The following CUX2 variants were observed in gnomAD, a reference collection of about 807,000 sequenced individuals.
CUX2 encodes the protein homeobox protein cut-like 2.
A neutral mutation model predicts 144.8 loss-of-function variants in CUX2; 40 were observed. The observed-to-expected ratio is 0.28, with a 90% CI of 0.21 to 0.36. CUX2 has a LOEUF of 0.36. Ranked by LOEUF, CUX2 falls within the 10% of genes least tolerant of loss-of-function variation. The pLI, the probability that CUX2 is intolerant of heterozygous loss-of-function variation, is 1.00. For missense variants in CUX2, 1,615 were observed against 1,994.0 expected, an observed-to-expected ratio of 0.81 and a Z score of 3.62; for synonymous variants, 827 against 875.6, an observed-to-expected ratio of 0.94 and a Z score of 0.98.
chr12:111,043,747 T>C (rs1479073814), intron 1 of CUX2, among the ~76,000 whole-genome samples: 1 of 152,244 alleles, frequency 6.6e-6, no homozygotes, highest in African/African-American at 2.4e-5. Context: ...ATGAGAAGAC[T>C]ATGCCTCTGA....
At chr12:111,193,124 T>G (rs775179795) in intron 1 of CUX2, among the ~76,000 whole-genome samples, 5 of 152,134 alleles carry the variant, frequency 3.3e-5, no homozygotes, top group Non-Finnish European at 5.9e-5. Flanking sequence ...ACCTGGCTTG[T>G]CTTTAAGGGT....
intron 9 of CUX2, among the ~76,000 whole-genome samples, chr12:111,299,404 T>C (rs1886172918): frequency 6.6e-6 from 1 of 152,068 alleles, no homozygotes; most frequent in South Asian, 2.1e-4. Flanking sequence ...GTGTGGCTCT[T>C]TGGGCGCAGG....
At chr12:111,272,458 TTTA>T (rs555086552) in intron 4 of CUX2, among the ~76,000 whole-genome samples, 2 of 151,914 alleles carry the variant, frequency 1.3e-5, no homozygotes, top group African/African-American at 4.8e-5. Context: ...GACAGTTAAC[TTTA>T]TTATTATTAT....
chr12:111,328,580 TTGTGTGTGTGTGTG>T (rs568983449), intron 18 of CUX2, among the ~76,000 whole-genome samples: 54 of 135,852 alleles, frequency 4.0e-4, no homozygotes, highest in African/African-American at 6.2e-4. Flanking sequence ...CCAATTTCTT[TTGTGTGTGTGTGTG>T]TGTGTGTGTG....
chr12:111,339,873 AAG>A (rs1316529607), intron 20 of CUX2, among the ~76,000 whole-genome samples: 6 of 152,184 alleles, frequency 3.9e-5, no homozygotes, highest in Non-Finnish European at 8.8e-5. Flanking sequence ...TACTGAAAAT[AAG>A]AGAGCTGGCT....
chr12:111,114,507 T>C (rs76989351), intron 1 of CUX2, among the ~76,000 whole-genome samples: 14 of 152,314 alleles, frequency 9.2e-5, no homozygotes, highest in East Asian at 7.7e-4. Flanking sequence ...CTCTGTTAGA[T>C]AGGTGATTTG....
chr12:111,342,200 A>G (rs1888609127), intron 21 of CUX2, 147 bp downstream of exon 21: 1 of 961,548 alleles, frequency 1.0e-6, no homozygotes, highest in Non-Finnish European at 1.5e-6. Context: ...ACACAGGCCC[A>G]AGTGCAGTGG....
chr12:111,273,683 A>G (rs1042523898), intron 4 of CUX2, among the ~76,000 whole-genome samples: 1 of 152,314 alleles, frequency 6.6e-6, no homozygotes, highest in African/African-American at 2.4e-5. Context: ...ACAGCTCCCA[A>G]CCTGGCAAGT....
In CUX2 at chr12:111,035,445, C is replaced by A. The variant is rs576025694; in HGVS notation, c.63+1205C>A. Among the ~76,000 whole-genome samples, 1 of 152,054 alleles carries A rather than the reference C, an allele frequency of 6.6e-6. No individual in the cohort carries two copies. Among genetic ancestry groups the A allele is most frequent in the South Asian group, 2.1e-4 (1 of 4,820 alleles). On this transcript the variant is annotated intron_variant, in intron 1 of 21. Coordinates refer to ENST00000261726, the MANE Select transcript of CUX2 (RefSeq NM_015267.4). The surrounding 1 kb of genome is among the most constrained non-coding windows in gnomAD (Gnocchi z 6.0). ...GTTCTTTCCCGGAGTGCCCCGGACG[C>A]GCCTGGCAAGGCCCCCCAGCCTTGG...
chr12:111,063,502 G>A (rs965748162), intron 1 of CUX2, among the ~76,000 whole-genome samples: 4 of 152,224 alleles, frequency 2.6e-5, no homozygotes, highest in Non-Finnish European at 4.4e-5. Flanking sequence ...GGGACATCGC[G>A]AGGCGGCACC....
At chr12:111,134,620 C>CTCTCTCTCTCTGTG (rs1026548098) in intron 1 of CUX2, among the ~76,000 whole-genome samples, 2 of 142,128 alleles carry the variant, frequency 1.4e-5, no homozygotes, top group African/African-American at 5.6e-5. Context: ...CTCTCTCTCT[C>CTCTCTCTCTCTGTG]TGTGTGTGTG....
intron 1 of CUX2, among the ~76,000 whole-genome samples, chr12:111,172,966 C>T (rs1878636946): frequency 6.6e-6 from 1 of 152,192 alleles, no homozygotes; most frequent in Non-Finnish European, 1.5e-5. Flanking sequence ...AAACTCGGGG[C>T]TTAGTTCGAG....
chr12:111,223,113 A>C (rs141046083), intron 3 of CUX2, among the ~76,000 whole-genome samples: 1 of 152,128 alleles, frequency 6.6e-6, no homozygotes, highest in Non-Finnish European at 1.5e-5. Context: ...GGTCCGCTCA[A>C]CAGATCCTTG....
chr12:111,232,046 A>G (rs1352643881), intron 3 of CUX2, among the ~76,000 whole-genome samples: 4 of 151,148 alleles, frequency 2.6e-5, no homozygotes, highest in African/African-American at 9.7e-5. Context: ...AAAGAACACA[A>G]TATTCTCAGG....
rs145683586 is a variant in CUX2 at position 111,054,337 on chromosome 12, C to T, written c.63+20097C>T. Among the ~76,000 whole-genome samples the T allele has an allele frequency of 4.1e-4, 62 of 152,150 alleles. No individual in the cohort carries two copies. In the East Asian group the frequency reaches 9.7e-3, roughly 24 times the overall value. On this transcript the variant is annotated intron_variant, in intron 1 of 21. Coordinates refer to ENST00000261726, the MANE Select transcript of CUX2 (RefSeq NM_015267.4). The stretch of plus-strand genomic sequence containing the variant: ...GCTTTCAGTGTGGCCCTCATATAAG[C>T]GTGTGAGTTATAATAGCAACCTCAC...
Position 111,304,174 on chromosome 12 carries a change from G to T in CUX2, c.754-36G>T. The T allele has an allele frequency of 6.5e-7, 1 of 1,548,182 alleles. No individual in the cohort carries two copies. ...GGGAGAAGGTGGAAGTGCAGAGTGG[G>T]CTCACCTCTCGCCCACACTGTCCCC... On this transcript the variant is annotated intron_variant, in intron 9 of 21. Coordinates refer to ENST00000261726, the MANE Select transcript of CUX2 (RefSeq NM_015267.4). The surrounding 1 kb of genome is among the most constrained non-coding windows in gnomAD (Gnocchi z 4.7).
chr12:111,311,895 GC>G (rs1403896884), intron 15 of CUX2, among the ~76,000 whole-genome samples: 1 of 152,094 alleles, frequency 6.6e-6, no homozygotes, highest in Non-Finnish European at 1.5e-5. Context: ...ACTGTGCCTG[GC>G]CTCGTTATTA....
chr12:111,308,559 T>G, intron 14 of CUX2, 33 bp downstream of exon 14: 3 of 1,568,618 alleles, frequency 1.9e-6, no homozygotes, highest in Non-Finnish European at 2.6e-6. Flanking sequence ...GGCTGAGGGC[T>G]GGGGCGGGGG....
Position 111,160,486 on chromosome 12 carries a change from G to T in CUX2, c.64-53714G>T, listed in dbSNP as rs1317929849. Among the ~76,000 whole-genome samples the T allele has an allele frequency of 6.6e-6, 1 of 152,192 alleles. No homozygotes were observed. Among genetic ancestry groups the T allele is most frequent in the African/African-American group, 2.4e-5 (1 of 41,454 alleles). ...CCTGTGTGTCTGCATGTGCACACGT[G>T]CAGTGTGTCAGGGAGGGCCCTTCCT... On this transcript the variant is annotated intron_variant, in intron 1 of 21. Transcript: ENST00000261726. The surrounding 1 kb of genome is among the most constrained non-coding windows in gnomAD (Gnocchi z 4.1).
Sources: gnomAD v4.1 joint callset for allele counts (sites outside exome capture counted in the v4.1 genomes callset) on GRCh38, gnomAD v4.1.1 for gene constraint, Gnocchi (gnomAD v3.1) non-coding constraint, MANE v1.5 for transcripts, NCBI Gene and HGNC (gene_info 2026-07-23, HGNC 2026-07-21) for gene names.